COL4A2: variants seen among roughly 807,000 people sequenced by gnomAD.
COL4A2 encodes the protein collagen type IV alpha 2 chain.
COL4A2 carries 99 observed loss-of-function variants against 200.2 expected under a neutral mutation model. That is an observed-to-expected ratio of 0.49 (90% CI 0.42 to 0.58). The LOEUF (loss-of-function observed/expected upper bound fraction) is 0.58. Among genes scored for constraint, COL4A2 ranks in the 20% least tolerant of loss-of-function variants. The pLI is 0.00. For synonymous variants in COL4A2, 897 were observed against 900.6 expected, an observed-to-expected ratio of 1.00 and a Z score of 0.07; for missense variants, 1,950 against 2,314.1, an observed-to-expected ratio of 0.84 and a Z score of 3.23.
chr13:110,471,475 T>G (rs774997701), intron 28 of COL4A2, among the ~76,000 whole-genome samples: 4 of 152,186 alleles, frequency 2.6e-5, no homozygotes, highest in African/African-American at 4.8e-5. Flanking sequence ...GAGGATAAAA[T>G]GCCCAATTCA....
chr13:110,356,141 T>C (rs1877255295), intron 3 of COL4A2, among the ~76,000 whole-genome samples: 1 of 152,202 alleles, frequency 6.6e-6, no homozygotes, highest in Admixed American at 6.5e-5. Context: ...AGATCAAGGA[T>C]GAGAAACACC....
intron 4 of COL4A2, among the ~76,000 whole-genome samples, chr13:110,380,950 T>C (rs1247726717): frequency 6.8e-6 from 1 of 147,652 alleles, no homozygotes; most frequent in African/African-American, 2.5e-5. Flanking sequence ...ACCCATGGGC[T>C]CTATCTCACA....
intron 3 of COL4A2, among the ~76,000 whole-genome samples, chr13:110,322,695 C>T (rs556443663): frequency 6.6e-6 from 1 of 152,162 alleles, no homozygotes; most frequent in Non-Finnish European, 1.5e-5. Context: ...GACAGGGAGC[C>T]GATGTCCACC....
chr13:110,413,671 T>C (rs966762379), intron 4 of COL4A2, among the ~76,000 whole-genome samples: 20 of 152,138 alleles, frequency 1.3e-4, no homozygotes, highest in Non-Finnish European at 2.5e-4. Flanking sequence ...ACGCAAAGGC[T>C]ATGGCGGGGT....
intron 4 of COL4A2, among the ~76,000 whole-genome samples, chr13:110,387,547 T>G (rs538451994): frequency 6.6e-6 from 1 of 152,314 alleles, no homozygotes; most frequent in South Asian, 2.1e-4. Context: ...GTCTCACACC[T>G]GCCCGAGGAG....
intron 3 of COL4A2, among the ~76,000 whole-genome samples, chr13:110,324,458 A>C (rs1255549475): frequency 1.3e-5 from 2 of 152,220 alleles, no homozygotes; most frequent in Non-Finnish European, 2.9e-5. Context: ...GAGGGATCTG[A>C]GTCCACAGGG....
intron 4 of COL4A2, among the ~76,000 whole-genome samples, chr13:110,363,169 G>T (rs1594170377): frequency 1.3e-5 from 2 of 152,286 alleles, no homozygotes; most frequent in Middle Eastern, 3.4e-3. Flanking sequence ...GTGAGTGGAG[G>T]CCTCTGCATC....
intron 3 of COL4A2, among the ~76,000 whole-genome samples, chr13:110,346,446 G>T (rs2139376449): frequency 6.6e-6 from 1 of 152,340 alleles, no homozygotes; most frequent in South Asian, 2.1e-4. Context: ...ATTTCAGGAA[G>T]TAACTTTGAG....
intron 4 of COL4A2, among the ~76,000 whole-genome samples, chr13:110,373,028 C>A (rs1333331879): frequency 2.0e-5 from 3 of 152,184 alleles, no homozygotes; most frequent in African/African-American, 7.2e-5. Context: ...CAGTTTATTT[C>A]TTTATACATA....
At chr13:110,435,314 A>C (rs1011513031) in intron 12 of COL4A2, among the ~76,000 whole-genome samples, 4 of 152,252 alleles carry the variant, frequency 2.6e-5, no homozygotes, top group African/African-American at 9.6e-5. Context: ...CAAAATAATA[A>C]AAACAAGAAA....
intron 27 of COL4A2, 82 bp downstream of exon 27, chr13:110,467,178 C>G (rs1358787963): frequency 1.0e-5 from 16 of 1,572,420 alleles, no homozygotes; most frequent in Non-Finnish European, 1.4e-5. Context: ...CCCATCTTTC[C>G]TCTGGTCCTG....
chr13:110,447,287 C>T (rs547658084), intron 18 of COL4A2, among the ~76,000 whole-genome samples: 1 of 152,354 alleles, frequency 6.6e-6, no homozygotes, highest in Non-Finnish European at 1.5e-5. Context: ...GCCAGCCCGA[C>T]ACCTGGAATT....
At position 110,504,244 on chromosome 13, in the gene COL4A2, A is replaced by G; in HGVS notation, c.4382A>G (p.Gln1461Arg). 1.2e-6 allele frequency: 2 copies of G among 1,613,896 alleles called. No individual in the cohort carries two copies. Among genetic ancestry groups the G allele is most frequent in the African/African-American group, 2.7e-5 (2 of 75,072 alleles). ...GGAGATGAAGGACCCATAGGCCACCAGGGGCCGATTGGCCAAGAAGGTGAG... is the reference window on the plus strand; with the variant it reads ...GGAGATGAAGGACCCATAGGCCACCGGGGGCCGATTGGCCAAGAAGGTGAG... ...FRGDEGPIGH[Q>R]GPIGQEGAPG... is the part of the protein sequence containing the mutation. The change falls in exon 45 of 48, where the codon CAG becomes CGG. Residue 1461 changes from glutamine to arginine, a missense_variant. Transcript: ENST00000360467.
rs267603756 is a variant in COL4A2, at chr13:110,489,495, G to T, written c.3258G>T (p.Ala1086=). ...GRAGLYGEIG[A]TGDFGDIGDT... Reference sequence around the variant, plus strand: ...CAGGCCTGTATGGCGAGATTGGCGCGACTGGTGATTTCGGTGAGTGTTGCC... The same window carrying T: ...CAGGCCTGTATGGCGAGATTGGCGCTACTGGTGATTTCGGTGAGTGTTGCC... The change falls in exon 35 of 48, where the codon GCG becomes GCT. Residue 1086 remains alanine (A), a synonymous_variant. Coordinates refer to ENST00000360467, the MANE Select transcript of COL4A2 (RefSeq NM_001846.4). 1.8e-5 allele frequency: 29 copies of T among 1,614,060 alleles called. No individual in the cohort carries two copies. Among genetic ancestry groups the T allele is most frequent in the Middle Eastern group, 1.6e-4 (1 of 6,084 alleles).
At chr13:110,491,081 T>TA in intron 36 of COL4A2, 152 bp from the exon 37 acceptor site, 2 of 643,014 alleles carry the variant, frequency 3.1e-6, no homozygotes, top group African/African-American at 1.8e-5. Context: ...GGAAGTAGGT[T>TA]AAAAATCAGC....
intron 29 of COL4A2, among the ~76,000 whole-genome samples, chr13:110,475,049 C>T (rs558388021): frequency 1.3e-4 from 19 of 151,934 alleles, no homozygotes; most frequent in Non-Finnish European, 2.4e-4. Flanking sequence ...TGCCTATGCA[C>T]GCTCACACAT....
chr13:110,434,953 C>T (rs1880816869), intron 12 of COL4A2, among the ~76,000 whole-genome samples: 1 of 152,232 alleles, frequency 6.6e-6, no homozygotes, highest in Non-Finnish European at 1.5e-5. Flanking sequence ...AGATCACGTG[C>T]ATGACAGGCT....
chr13:110,449,865 T>C, intron 19 of COL4A2, 76 bp downstream of exon 19: 2 of 1,440,270 alleles, frequency 1.4e-6, no homozygotes, highest in Non-Finnish European at 1.9e-6. Flanking sequence ...CAAGGGAGAC[T>C]TCGTTGACGA....
chr13:110,511,947 G>T lies in COL4A2; in HGVS notation c.4895G>T (p.Gly1632Val). Residue 1632 changes from glycine (G) to valine (V), a missense_variant, in exon 48 of 48, where the codon GGA (glycine) becomes GTA (valine). By Grantham distance (109) the Gly-to-Val change is moderately radical. This residue lies in a region of COL4A2 where 1,385 missense variants were observed against 1,720.5 expected (regional missense o/e 0.80). Transcript: ENST00000360467. ...GYSFLMHTAA[G>V]DEGGGQSLVS... ...CTCTCTGTGCAGCACACGGCGGCGG[G>T]AGACGAAGGCGGTGGCCAATCACTG... The T allele has an allele frequency of 6.2e-7, 1 of 1,613,524 alleles. No individual in the cohort carries two copies. The highest frequency in any genetic ancestry group is 8.5e-7 in the Non-Finnish European group (1 of 1,180,022).
Sources: gnomAD v4.1 joint callset for allele counts (sites outside exome capture counted in the v4.1 genomes callset) on GRCh38, gnomAD v4.1.1 for gene constraint, gnomAD v4.1.1 regional missense constraint, MANE v1.5 for transcripts, NCBI Gene and HGNC (gene_info 2026-07-23, HGNC 2026-07-21) for gene names.